The following SNRNP70 variants were observed in gnomAD, a reference collection of about 807,000 sequenced individuals.
SNRNP70 encodes the protein small nuclear ribonucleoprotein U1 subunit 70, also known as U1 small nuclear ribonucleoprotein 70 kDa.
Under a neutral mutation model 50.5 loss-of-function variants are expected in SNRNP70, and 8 were observed. The ratio of observed to expected loss-of-function variants is 0.16; its 90% confidence interval spans 0.09 to 0.29. SNRNP70 has a LOEUF of 0.29. Among genes scored for constraint, SNRNP70 ranks in the 10% least tolerant of loss-of-function variants. The pLI is 1.00. For missense variants in SNRNP70, 529 were observed against 663.5 expected (o/e 0.80, Z 2.23); for synonymous variants, 320 against 252.9 (o/e 1.27, Z -2.52).
chr19:49,100,650 CA>C (rs1450949827), intron 6 of SNRNP70, among the ~76,000 whole-genome samples: 2 of 151,864 alleles, frequency 1.3e-5, no homozygotes, highest in Non-Finnish European at 2.9e-5. Context: ...ACTAAAGATA[CA>C]AAAAATTACC....
intron 4 of SNRNP70, among the ~76,000 whole-genome samples, chr19:49,095,205 C>T (rs1421105168): frequency 6.6e-6 from 1 of 152,262 alleles, no homozygotes; most frequent in Non-Finnish European, 1.5e-5. Context: ...GGAACTCACA[C>T]AGTGTGCTGG....
rs1477679387 is a variant in SNRNP70, at chr19:49,085,474, G to C, written c.-173G>C. 2.3e-6 allele frequency: 1 copy of C among 438,846 alleles called. No homozygotes were observed. Among genetic ancestry groups the C allele is most frequent in the African/African-American group, 2.0e-5 (1 of 49,310 alleles). 27.2% of individuals were successfully genotyped at this position (438,846 alleles called of 1,614,324 possible). A position where few individuals can be genotyped will look rare whatever the true frequency, so the allele number is the denominator to read the frequency against. Reference sequence around the variant, plus strand: ...CCAGTCGCTATCGGAGGCCGCGCGGGTGGCTGAGCAGCGGCCTGGTGCGCT... The same window carrying C: ...CCAGTCGCTATCGGAGGCCGCGCGGCTGGCTGAGCAGCGGCCTGGTGCGCT... On this transcript the variant is annotated 5_prime_UTR_variant, in exon 1 of 10. Coordinates refer to ENST00000598441, the MANE Select transcript of SNRNP70 (RefSeq NM_003089.6).
intron 7 of SNRNP70, chr19:49,102,063 G>A (rs960217113): frequency 6.1e-6 from 6 of 989,568 alleles, no homozygotes; most frequent in Non-Finnish European, 7.0e-6. Flanking sequence ...GCAGGGCTGC[G>A]GCGTGTCCAG....
At position 49,107,876 on chromosome 19, in the gene SNRNP70, C is replaced by T. The variant is rs144852529; in HGVS notation, c.747C>T (p.Asp249=). 8.4e-6 allele frequency: 13 copies of T among 1,554,366 alleles called. No individual in the cohort carries two copies. Among genetic ancestry groups the T allele is most frequent in the Non-Finnish European group, 1.1e-5 (13 of 1,149,834 alleles). The change falls in exon 10 of 10, where the codon GAC becomes GAT. Residue 249 remains aspartate (D), a synonymous_variant. Coordinates refer to ENST00000598441, the MANE Select transcript of SNRNP70 (RefSeq NM_003089.6). This position sits in a 1 kb window ranked among gnomAD's most constrained non-coding sequence, Gnocchi z 6.0. ...RERRERSRER[D]KERERRRSRS... ...GCAGAGAGCGGAGCCGGGAGCGAGACAAGGAGCGAGAACGGCGACGCTCCC... is the reference window on the plus strand; with the variant it reads ...GCAGAGAGCGGAGCCGGGAGCGAGATAAGGAGCGAGAACGGCGACGCTCCC...
intron 5 of SNRNP70, 38 bp from the exon 6 acceptor site, chr19:49,098,604 C>T (rs2040542314): frequency 1.3e-6 from 2 of 1,596,724 alleles, no homozygotes; most frequent in African/African-American, 2.7e-5. Flanking sequence ...TGGGACAGCT[C>T]TGTTCTCCCA....
rs1242834855 is a variant in SNRNP70, at chr19:49,107,971, G to GCAAGGA, written c.850_855dup (p.Lys284_Asp285dup). ...GAGCGGAGGCGCTCCAGGGAGCGGA[G>GCAAGGA]CAAGGACAAGGACCGGGACCGGAAG... On this transcript the variant is annotated inframe_insertion, in exon 10 of 10. Transcript: ENST00000598441. The surrounding 1 kb of genome is among the most constrained non-coding windows in gnomAD (Gnocchi z 6.0). The GCAAGGA allele has an allele frequency of 3.2e-6, 5 of 1,547,996 alleles. No individual in the cohort carries two copies. The highest frequency in any genetic ancestry group is 2.4e-5 in the East Asian group (1 of 40,898).
At chr19:49,100,881 G>A (rs531701434) in intron 6 of SNRNP70, among the ~76,000 whole-genome samples, 1 of 148,974 alleles carries the variant, frequency 6.7e-6, no homozygotes, top group South Asian at 2.1e-4. Flanking sequence ...AATTCCATTT[G>A]TGTCCTCCTG....
chr19:49,091,528 A>G (rs1378310170), intron 4 of SNRNP70, among the ~76,000 whole-genome samples: 6 of 152,174 alleles, frequency 3.9e-5, no homozygotes, highest in African/African-American at 1.4e-4. Flanking sequence ...CCTCTAGCCC[A>G]GGAGTGTTAG....
In SNRNP70 at chr19:49,098,743, A is replaced by G. The variant is rs746913583; in HGVS notation, c.393+39A>G. ...GTCAGGGTGTTTGAATTGGGGGTGC[A>G]TGGAGGAGGGGCTGTATCCTGAGAG... On this transcript the variant is annotated intron_variant, in intron 6 of 9. Coordinates refer to ENST00000598441, the MANE Select transcript of SNRNP70 (RefSeq NM_003089.6). 1.8e-5 allele frequency: 28 copies of G among 1,523,978 alleles called. No individual in the cohort carries two copies. The Admixed American group carries it at 2.5e-4, about 14-fold the overall frequency. The allele number at this position is 1,523,978 out of a possible 1,614,324, so 94.4% of individuals were successfully genotyped here.
intron 2 of SNRNP70, among the ~76,000 whole-genome samples, chr19:49,089,984 A>AT (rs969963538): frequency 2.0e-4 from 31 of 151,884 alleles, no homozygotes; most frequent in African/African-American, 7.2e-4. Flanking sequence ...TAATTTTTAA[A>AT]TTTTTTGTGG....
chr19:49,101,990 T>C (rs1360842817), intron 7 of SNRNP70: 1 of 418,268 alleles, frequency 2.4e-6, no homozygotes, highest in Non-Finnish European at 4.5e-6. Context: ...CCCCTACAGT[T>C]CCAAAGCCCC....
chr19:49,089,472 G>C (rs543740765), intron 2 of SNRNP70, among the ~76,000 whole-genome samples: 13 of 150,820 alleles, frequency 8.6e-5, no homozygotes, highest in African/African-American at 3.2e-4. Context: ...CCACAACTTC[G>C]TCTCAGAAAA....
intron 2 of SNRNP70, among the ~76,000 whole-genome samples, chr19:49,088,178 A>G (rs982696524): frequency 7.0e-6 from 1 of 142,120 alleles, no homozygotes; most frequent in South Asian, 2.2e-4. Flanking sequence ...GGTGTGAGCC[A>G]CCATGCCTGG....
At position 49,108,041 on chromosome 19, in the gene SNRNP70, G is replaced by A. The variant is rs752101372; in HGVS notation, c.912G>A (p.Glu304=). Residue 304 remains glutamate, a synonymous_variant, in exon 10 of 10, where the codon GAG becomes GAA. Transcript: ENST00000598441. ...RSRERARRER[E]RKEELRGGGG... Reference sequence around the variant, plus strand: ...GGGAGCGGGCCCGGCGGGAGCGGGAGCGCAAGGAGGAGCTGCGTGGCGGCG... The same window carrying A: ...GGGAGCGGGCCCGGCGGGAGCGGGAACGCAAGGAGGAGCTGCGTGGCGGCG... 2.6e-6 allele frequency: 4 copies of A among 1,549,194 alleles called. No individual in the cohort carries two copies. Among genetic ancestry groups the A allele is most frequent in the Admixed American group, 3.9e-5 (2 of 50,688 alleles).
At chr19:49,105,748 C>G (rs923859157) in intron 8 of SNRNP70, among the ~76,000 whole-genome samples, 2 of 150,504 alleles carry the variant, frequency 1.3e-5, no homozygotes, top group Non-Finnish European at 3.0e-5. Context: ...AAACAAAAAA[C>G]AAAAAAACTG....
In SNRNP70 at chr19:49,108,233, G is replaced by A. The variant is rs1317936501; in HGVS notation, c.1104G>A (p.Arg368=). The A allele has an allele frequency of 6.5e-7, 1 of 1,540,060 alleles. No individual in the cohort carries two copies. Among genetic ancestry groups the A allele is most frequent in the Admixed American group, 2.0e-5 (1 of 49,058 alleles). Residue 368 remains arginine (R), a synonymous_variant, in exon 10 of 10, where the codon CGG becomes CGA. Coordinates refer to ENST00000598441, the MANE Select transcript of SNRNP70 (RefSeq NM_003089.6). ...HRSERERRRD[R]DRDRDRDREH... ...GCGAGCGCGAGCGGCGCCGGGACCG[G>A]GATCGTGACCGTGACCGTGACCGCG...
rs1322084178 is a variant in SNRNP70, at chr19:49,107,950, G to A, written c.821G>A (p.Arg274Gln). Residue 274 changes from arginine (R) to glutamine (Q), a missense_variant, in exon 10 of 10, where the codon CGG becomes CAG. By Grantham distance (43) the Arg-to-Gln change is conservative. Transcript: ENST00000598441. This position sits in a 1 kb window ranked among gnomAD's most constrained non-coding sequence, Gnocchi z 6.0. The part of the protein sequence containing the change: ...RRSRSRDKEE[R>Q]RRSRERSKDK... The stretch of plus-strand genomic sequence containing the variant: ...TCACGGAGTCGCGACAAGGAGGAGC[G>A]GAGGCGCTCCAGGGAGCGGAGCAAG... 1 of 1,547,770 alleles carries A rather than the reference G, an allele frequency of 6.5e-7. No homozygotes were observed. The highest frequency in any genetic ancestry group is 2.4e-5 in the East Asian group (1 of 40,878).
chr19:49,108,321 G>A lies in SNRNP70; in HGVS notation c.1192G>A (p.Gly398Ser), dbSNP rs757888633. ...GGATGAGGCCCGAGGTGGGGGCGGTGGCCAGGACAACGGGCTGGAGGGTCT... is the reference window on the plus strand; with the variant it reads ...GGATGAGGCCCGAGGTGGGGGCGGTAGCCAGGACAACGGGCTGGAGGGTCT... ...GRDEARGGGG[G>S]QDNGLEGLGN... The change falls in exon 10 of 10, where the codon GGC becomes AGC. Residue 398 changes from glycine to serine, a missense_variant. Coordinates refer to ENST00000598441, the MANE Select transcript of SNRNP70 (RefSeq NM_003089.6). The A allele has an allele frequency of 3.8e-6, 6 of 1,596,940 alleles. No individual in the cohort carries two copies. In the African/African-American group the frequency reaches 6.7e-5, roughly 18 times the overall value.
At chr19:49,099,753 G>A (rs1450879376) in intron 6 of SNRNP70, among the ~76,000 whole-genome samples, 1 of 90,908 alleles carries the variant, frequency 1.1e-5, no homozygotes, top group Non-Finnish European at 2.4e-5. Flanking sequence ...AAAAAAAAAA[G>A]TATTGTAGGC....
Sources: allele counts gnomAD v4.1 joint callset (sites outside exome capture counted in the v4.1 genomes callset), GRCh38; gene constraint gnomAD v4.1.1; non-coding constraint Gnocchi (gnomAD v3.1); transcripts MANE v1.5; gene names NCBI Gene and HGNC (gene_info 2026-07-23, HGNC 2026-07-21).